PIGZ: variants seen among roughly 807,000 people sequenced by gnomAD.
The protein encoded by PIGZ is GPI alpha-1,2-mannosyltransferase 4.
PIGZ carries 16 observed loss-of-function variants against 16.4 expected under a neutral mutation model. The ratio of observed to expected loss-of-function variants is 0.97; its 90% CI spans 0.66 to 1.48. PIGZ has a LOEUF of 1.48. Among genes scored for constraint, PIGZ ranks in the 40% most tolerant of loss-of-function variants. The pLI, the probability that PIGZ is intolerant of heterozygous loss-of-function variation, is 0.00. For synonymous variants in PIGZ, 409 were observed against 338.4 expected, an observed-to-expected ratio of 1.21 and a Z score of -2.29; for missense variants, 770 against 739.2, an observed-to-expected ratio of 1.04 and a Z score of -0.48.
At chr3:196,949,593 G>T (rs74665216) in intron 2 of PIGZ, among the ~76,000 whole-genome samples, 1 of 152,224 alleles carries the variant, frequency 6.6e-6, no homozygotes, top group African/African-American at 2.4e-5. Flanking sequence ...CAGAGAGCCC[G>T]TGCTGCCCTT....
chr3:196,948,096 GAGGGCTGCCCC>G lies in PIGZ; in HGVS notation c.790_800del (p.Gly264HisfsTer118). On this transcript the variant is annotated frameshift_variant, in exon 3 of 3. Transcript: ENST00000412723. LOFTEE classifies it low-confidence loss of function (END_TRUNC). ...CCGTGGCCACAAACACCGCTGCTGT[GAGGGCTGCCCC>G]AGGGAGCAGCACCAGGGCCTCCCGG... is the stretch of plus-strand genomic sequence containing the variant. 1 of 1,591,638 alleles carries G rather than the reference GAGGGCTGCCCC, an allele frequency of 6.3e-7. No individual in the cohort carries two copies. Among genetic ancestry groups the G allele is most frequent in the Non-Finnish European group, 8.6e-7 (1 of 1,166,472 alleles).
intron 1 of PIGZ, 133 bp from the exon 2 acceptor site, chr3:196,952,164 CACTA>C: frequency 1.2e-6 from 1 of 853,006 alleles, no homozygotes; most frequent in Non-Finnish European, 1.8e-6. Flanking sequence ...ACTCTATGCC[CACTA>C]ACTGCCAGGC....
Position 196,948,339 on chromosome 3 carries a change from C to T in PIGZ, c.558G>A (p.Thr186=), listed in dbSNP as rs201628214. 2.5e-5 allele frequency: 41 copies of T among 1,614,176 alleles called. No individual in the cohort carries two copies. The highest frequency in any genetic ancestry group is 1.8e-4 in the East Asian group (8 of 44,868). The change falls in exon 3 of 3, where the codon ACG becomes ACA. Residue 186 remains threonine (T), a synonymous_variant. Transcript: ENST00000412723. ...GGGAGGATACCAGCACCAGCAGCCACGTGAAGAGGAGTCCCTCAATGGTGT... is the reference window on the plus strand; with the variant it reads ...GGGAGGATACCAGCACCAGCAGCCATGTGAAGAGGAGTCCCTCAATGGTGT... ...FSNTIEGLLF[T]WLLVLVSSHV... is the part of the protein sequence containing the mutation.
chr3:196,955,916 C>T (rs920377808), intron 1 of PIGZ, among the ~76,000 whole-genome samples: 1 of 151,956 alleles, frequency 6.6e-6, no homozygotes, highest in Non-Finnish European at 1.5e-5. Context: ...TTTATACCAT[C>T]TTATTTTGTG....
rs187434165 is a variant in PIGZ, at chr3:196,961,753, G to A, written c.-1+6934C>T. On this transcript the variant is annotated intron_variant, in intron 1 of 2. Coordinates refer to ENST00000412723, the MANE Select transcript of PIGZ (RefSeq NM_025163.4). Reference sequence around the variant, plus strand: ...AGACATGACAAACTGAGAAGTGTCTGTATTTTTGAGGCTATCTCTTTTTAA... The same window carrying A: ...AGACATGACAAACTGAGAAGTGTCTATATTTTTGAGGCTATCTCTTTTTAA... Among the ~76,000 whole-genome samples the A allele has an allele frequency of 2.4e-3, 363 of 152,254 alleles. 3 individuals are homozygous for A. The highest frequency in any genetic ancestry group is 8.6e-3 in the African/African-American group (356 of 41,542).
chr3:196,948,607 A>G lies in PIGZ; in HGVS notation c.290T>C (p.Leu97Pro). 2 of 1,556,172 alleles carry G rather than the reference A, an allele frequency of 1.3e-6. No individual in the cohort carries two copies. The highest frequency in any genetic ancestry group is 1.7e-6 in the Non-Finnish European group (2 of 1,154,114). The change falls in exon 3 of 3, where the codon CTG becomes CCG. Residue 97 changes from leucine (L) to proline (P), a missense_variant. Leu to Pro is a moderately conservative substitution (Grantham distance 98). Coordinates refer to ENST00000412723, the MANE Select transcript of PIGZ (RefSeq NM_025163.4). ...CCAGAAGGTGGAACCAGAGATCAGCAGGGGGAAGAGCACCGAGCGGCAGGA... is the reference window on the plus strand; with the variant it reads ...CCAGAAGGTGGAACCAGAGATCAGCGGGGGGAAGAGCACCGAGCGGCAGGA... ...SSSCRSVLFP[L>P]LISGSTFWLL...
Position 196,948,179 on chromosome 3 carries a change from G to T in PIGZ, c.718C>A (p.Leu240Ile). 2.5e-6 allele frequency: 4 copies of T among 1,614,074 alleles called. No homozygotes were observed. The highest frequency in any genetic ancestry group is 3.4e-6 in the Non-Finnish European group (4 of 1,179,970). Residue 240 changes from leucine to isoleucine, a missense_variant, in exon 3 of 3, where the codon CTC becomes ATC. Transcript: ENST00000412723. ...FLAFAVVPLY[L>I]WGTRGATNPG... is the part of the protein sequence containing the mutation. Reference sequence around the variant, plus strand: ...TTTGTGGCTCCACGAGTGCCCCAGAGGTAGAGGGGGACCACAGCAAAGGCC... The same window carrying T: ...TTTGTGGCTCCACGAGTGCCCCAGATGTAGAGGGGGACCACAGCAAAGGCC...
intron 1 of PIGZ, among the ~76,000 whole-genome samples, chr3:196,956,992 ATTATT>A (rs1332728952): frequency 6.6e-6 from 1 of 152,138 alleles, no homozygotes; most frequent in Non-Finnish European, 1.5e-5. Flanking sequence ...TAGTTAGTGA[ATTATT>A]TTATTTAGTG....
chr3:196,968,256 C>T (rs558672367), intron 1 of PIGZ, among the ~76,000 whole-genome samples: 23 of 152,316 alleles, frequency 1.5e-4, no homozygotes. Context: ...AGCTTTGCAG[C>T]GTGGCATGGT....
intron 1 of PIGZ, among the ~76,000 whole-genome samples, chr3:196,962,615 C>G (rs1717763277): frequency 6.6e-6 from 1 of 151,110 alleles, no homozygotes; most frequent in African/African-American, 2.4e-5. Context: ...GAAAACCGCC[C>G]TATGGCTGGA....
chr3:196,947,175 C>T lies in PIGZ; in HGVS notation c.1722G>A (p.Glu574=), dbSNP rs200901423. 1.0e-5 allele frequency: 16 copies of T among 1,554,334 alleles called. No individual in the cohort carries two copies. The Middle Eastern group carries it at 5.2e-4, about 51-fold the overall frequency. The part of the protein sequence containing the change: ...WRDHLSLHIV[E]LGEET ...CATATTGTCAGGTTTCTTCCCCCAG[C>T]TCCACAATGTGAAGACTGAGGTGGT... The change falls in exon 3 of 3, where the codon GAG becomes GAA. Residue 574 remains glutamate (E), a synonymous_variant. Transcript: ENST00000412723.
At chr3:196,949,141 C>A (rs905098450) in intron 2 of PIGZ, among the ~76,000 whole-genome samples, 1 of 151,184 alleles carries the variant, frequency 6.6e-6, no homozygotes, top group East Asian at 2.0e-4. Flanking sequence ...GTTACTCAGG[C>A]TGATCTCAGA....
intron 1 of PIGZ, among the ~76,000 whole-genome samples, chr3:196,960,737 G>GAGAAAGAAAGAAAGAA (rs377421215): frequency 0.11 from 15,116 of 140,302 alleles, 1,048 homozygotes; most frequent in African/African-American, 0.17. Context: ...AAGAAAGAAA[G>GAGAAAGAAAGAAAGAA]AGAAAGAAAG....
chr3:196,952,468 T>C (rs6803555), intron 1 of PIGZ, among the ~76,000 whole-genome samples: 22,527 of 152,224 alleles, frequency 0.15, 1,844 homozygotes, highest in Middle Eastern at 0.26. Flanking sequence ...GACGAAGTCT[T>C]GCTCTGTCAC....
chr3:196,947,706 G>C lies in PIGZ; in HGVS notation c.1191C>G (p.Val397=), dbSNP rs1023754666. ...GTGGACTACAAAGCAGGACCAGGGGGACCAGGAGGGGAATCAGGAACCGAG... is the reference window on the plus strand; with the variant it reads ...GTGGACTACAAAGCAGGACCAGGGGCACCAGGAGGGGAATCAGGAACCGAG... The part of the protein sequence containing the change: ...QEARFLIPLL[V]PLVLLCSPQT... The change falls in exon 3 of 3, where the codon GTC becomes GTG. Residue 397 remains valine, a synonymous_variant. Coordinates refer to ENST00000412723, the MANE Select transcript of PIGZ (RefSeq NM_025163.4). The C allele has an allele frequency of 1.9e-6, 3 of 1,613,144 alleles. No homozygotes were observed. Among genetic ancestry groups the C allele is most frequent in the African/African-American group, 2.7e-5 (2 of 74,940 alleles).
intron 1 of PIGZ, among the ~76,000 whole-genome samples, chr3:196,960,381 GA>G (rs1391617409): frequency 6.6e-6 from 1 of 152,158 alleles, no homozygotes; most frequent in Non-Finnish European, 1.5e-5. Context: ...TTTGCTAAAA[GA>G]AAATAACGGC....
At chr3:196,950,776 G>A (rs887175017) in intron 2 of PIGZ, among the ~76,000 whole-genome samples, 5 of 143,614 alleles carry the variant, frequency 3.5e-5, no homozygotes, top group African/African-American at 7.9e-5. Flanking sequence ...ATGGAGTCTC[G>A]CTCTGTTGCC....
At chr3:196,962,293 G>T (rs549293579) in intron 1 of PIGZ, among the ~76,000 whole-genome samples, 2 of 152,096 alleles carry the variant, frequency 1.3e-5, no homozygotes, top group Admixed American at 6.6e-5. Context: ...AAAGGTCATC[G>T]CCATTCTCCA....
At position 196,947,404 on chromosome 3, in the gene PIGZ, G is replaced by C; in HGVS notation, c.1493C>G (p.Thr498Ser). ...GGTEDWALCQ[T>S]LKSFTRQPAC... is the part of the protein sequence containing the mutation. Reference sequence around the variant, plus strand: ...TGGTTGTCTGGTGAAGCTTTTCAGGGTTTGGCACAGGGCCCAGTCCTCAGT... The same window carrying C: ...TGGTTGTCTGGTGAAGCTTTTCAGGCTTTGGCACAGGGCCCAGTCCTCAGT... The change falls in exon 3 of 3, where the codon ACC becomes AGC. Residue 498 changes from threonine to serine, a missense_variant. By Grantham distance (58) the Thr-to-Ser change is moderately conservative (BLOSUM62 1). Coordinates refer to ENST00000412723, the MANE Select transcript of PIGZ (RefSeq NM_025163.4). The C allele has an allele frequency of 6.2e-7, 1 of 1,613,964 alleles. No individual in the cohort carries two copies. The highest frequency in any genetic ancestry group is 8.5e-7 in the Non-Finnish European group (1 of 1,180,044).
Sources: gnomAD v4.1 joint callset for allele counts (sites outside exome capture counted in the v4.1 genomes callset) on GRCh38, gnomAD v4.1.1 for gene constraint, MANE v1.5 for transcripts, NCBI Gene and HGNC (gene_info 2026-07-23, HGNC 2026-07-21) for gene names.